The following C16orf96 variants were observed in gnomAD, a reference collection of about 807,000 sequenced individuals.
The protein encoded by C16orf96 is chromosome 16 open reading frame 96.
C16orf96 carries 108 observed loss-of-function variants against 103.6 expected under a neutral mutation model. The ratio of observed to expected loss-of-function variants is 1.04; its 90% CI spans 0.89 to 1.22. The LOEUF (loss-of-function observed/expected upper bound fraction) is 1.22, where lower values mean the gene tolerates loss of function less well. C16orf96 is among the 50% of genes most tolerant of loss of function. C16orf96 has a pLI of 0.00. For synonymous variants in C16orf96, 566 were observed against 593.5 expected (o/e 0.95, Z 0.67); for missense variants, 1,586 against 1,464.2 (o/e 1.08, Z -1.36).
intron 1 of C16orf96, chr16:4,562,890 C>G: frequency 4.3e-6 from 6 of 1,406,218 alleles, no homozygotes; most frequent in South Asian, 1.2e-5. Context: ...TAAAGAAATA[C>G]CTTTTCTTCC....
intron 2 of C16orf96, among the ~76,000 whole-genome samples, chr16:4,574,298 C>A (rs191605081): frequency 3.3e-5 from 5 of 152,312 alleles, no homozygotes; most frequent in East Asian, 3.9e-4. Flanking sequence ...TCTCAGCTCA[C>A]TGCAACCTCT....
At chr16:4,596,234 C>G (rs556953001) in intron 14 of C16orf96, among the ~76,000 whole-genome samples, 1 of 152,244 alleles carries the variant, frequency 6.6e-6, no homozygotes, top group African/African-American at 2.4e-5. Context: ...CGCCTGTAAT[C>G]CCAGCACTTT....
Position 4,599,341 on chromosome 16 carries a change from C to G in C16orf96, c.3185C>G (p.Ala1062Gly). Residue 1062 changes from alanine to glycine, a missense_variant, in exon 15 of 16, where the codon GCC (alanine) becomes GGC (glycine). By Grantham distance (60) the Ala-to-Gly change is moderately conservative (BLOSUM62 0). Coordinates refer to ENST00000444310, the MANE Select transcript of C16orf96 (RefSeq NM_001145011.2). ...QSLYDRVHSS[A>G]LFGAICPPLC... ...CTGTATGACCGTGTGCACTCCAGTG[C>G]CCTATTTGGCGCCATCTGCCCCCGT... The G allele has an allele frequency of 1.3e-6, 2 of 1,551,662 alleles. No individual in the cohort carries two copies. The highest frequency in any genetic ancestry group is 2.4e-5 in the South Asian group (2 of 84,066).
intron 14 of C16orf96, 136 bp from the exon 15 acceptor site, chr16:4,599,148 C>A: frequency 1.4e-6 from 1 of 692,018 alleles, no homozygotes; most frequent in Non-Finnish European, 2.5e-6. Flanking sequence ...ATTGATTATC[C>A]CATAAAGGAA....
chr16:4,555,945 C>A (rs1297482996), upstream of C16orf96, among the ~76,000 whole-genome samples: 1 of 152,188 alleles, frequency 6.6e-6, no homozygotes, highest in Non-Finnish European at 1.5e-5. Flanking sequence ...GCAGTCCTCC[C>A]GCCTTTGCCT....
At chr16:4,577,699 T>C (rs971728983) in intron 5 of C16orf96, among the ~76,000 whole-genome samples, 2 of 152,032 alleles carry the variant, frequency 1.3e-5, no homozygotes, top group Non-Finnish European at 2.9e-5. Flanking sequence ...CTCACGCCTG[T>C]AATCCCAGTC....
chr16:4,554,920 C>A (rs184496195), upstream of C16orf96, among the ~76,000 whole-genome samples: 255 of 152,028 alleles, frequency 1.7e-3, 1 homozygote, highest in Admixed American at 2.8e-3. Flanking sequence ...TGAGCCACCG[C>A]GCCCAGCCGA....
At chr16:4,599,544 G>A (rs113506623) in intron 15 of C16orf96, among the ~76,000 whole-genome samples, 180 bp downstream of exon 15, 8 of 152,148 alleles carry the variant, frequency 5.3e-5, no homozygotes, top group Admixed American at 1.3e-4. Context: ...TGCCATCCCC[G>A]GTGCCCAGGC....
intron 1 of C16orf96, chr16:4,562,750 A>G (rs531210390): frequency 2.1e-5 from 15 of 731,628 alleles, no homozygotes; most frequent in Admixed American, 1.5e-4. Context: ...ACAAAAGCCA[A>G]TGTAAAAAGA....
the C16orf96 span, among the ~76,000 whole-genome samples, chr16:4,550,188 G>A: frequency 4.6e-5 from 7 of 151,494 alleles, no homozygotes; most frequent in African/African-American, 1.7e-4. Flanking sequence ...GGGCTCAAGC[G>A]ATTCTCCTGC....
chr16:4,558,362 TCCCAA>T (rs2059290084), intron 1 of C16orf96, among the ~76,000 whole-genome samples: 1 of 152,072 alleles, frequency 6.6e-6, no homozygotes, highest in Non-Finnish European at 1.5e-5. Context: ...ACACCTATAA[TCCCAA>T]CACTGGGAGG....
intron 1 of C16orf96, among the ~76,000 whole-genome samples, chr16:4,559,061 G>C (rs1162766977): frequency 2.6e-5 from 4 of 152,006 alleles, no homozygotes; most frequent in Non-Finnish European, 5.9e-5. Flanking sequence ...CTTCAGCCTG[G>C]GTGACGGAGA....
chr16:4,600,497 C>CT lies in C16orf96; in HGVS notation c.*180_*181insT, dbSNP rs1897262107. 2 of 484,752 alleles carry CT rather than the reference C, an allele frequency of 4.1e-6. No homozygotes were observed. The highest frequency in any genetic ancestry group is 7.5e-6 in the Non-Finnish European group (2 of 267,962). 30.0% of individuals were successfully genotyped at this position (484,752 alleles called of 1,614,324 possible). ...GAGGCTGAGGCTCATGCGCCCCCCC[C>CT]CATCCCTACCAAGTCCCCTCCACGT... On this transcript the variant is annotated 3_prime_UTR_variant, in exon 16 of 16. Coordinates refer to ENST00000444310, the MANE Select transcript of C16orf96 (RefSeq NM_001145011.2).
intron 7 of C16orf96, among the ~76,000 whole-genome samples, chr16:4,582,872 G>A (rs75342896): frequency 0.028 from 4,245 of 152,230 alleles, 218 homozygotes; most frequent in African/African-American, 0.098. Context: ...GCCCTGCCAC[G>A]TGTGCCAAAA....
chr16:4,588,189 C>T lies in C16orf96; in HGVS notation c.2450C>T (p.Ala817Val). Reference sequence around the variant, plus strand: ...TAGAAAGCTGACAGGAGTGCCCTGGCAGGCAAGGCAAGCCGCGTTGACCTG... The same window carrying T: ...TAGAAAGCTGACAGGAGTGCCCTGGTAGGCAAGGCAAGCCGCGTTGACCTG... ...LREKADRSALAGKASRVDLET... is the reference protein window; with the variant it reads ...LREKADRSALVGKASRVDLET... The change falls in exon 9 of 16, where the codon GCA (alanine) becomes GTA (valine). Residue 817 changes from alanine (A) to valine (V), a missense_variant. By Grantham distance (64) the Ala-to-Val change is moderately conservative. Transcript: ENST00000444310. 6.4e-7 allele frequency: 1 copy of T among 1,551,392 alleles called. No homozygotes were observed. Among genetic ancestry groups the T allele is most frequent in the Non-Finnish European group, 8.7e-7 (1 of 1,146,876 alleles).
rs771691344 is a variant in C16orf96, at chr16:4,558,913, CAAAAAAA to C, written c.420+2020_420+2026del. On this transcript the variant is annotated intron_variant, in intron 1 of 15. Transcript: ENST00000444310. ...CTGGTGACAGAGCGAGACTCTGTCT[CAAAAAAA>C]AAAAAAAAAAAAAAATTAGCCAGGT... Among the ~76,000 whole-genome samples, 4 of 51,386 alleles carry C rather than the reference CAAAAAAA, an allele frequency of 7.8e-5. No homozygotes were observed. The South Asian group carries it at 2.9e-3, about 37-fold the overall frequency. The allele number at this position is 51,386 out of a possible 152,430, so 33.7% of individuals were successfully genotyped here.
chr16:4,562,461 C>A (rs200400581), intron 1 of C16orf96, among the ~76,000 whole-genome samples: 170 of 141,928 alleles, frequency 1.2e-3, no homozygotes, highest in Admixed American at 1.2e-3. Context: ...AAGACTGTGT[C>A]AAAAAAAAAA....
At chr16:4,584,351 C>T (rs1393110663) in intron 7 of C16orf96, among the ~76,000 whole-genome samples, 3 of 8,160 alleles carry the variant, frequency 3.7e-4, no homozygotes, top group Non-Finnish European at 7.8e-4. Flanking sequence ...CCATGCCTGG[C>T]TAATTTTTTT....
chr16:4,594,583 A>C, intron 13 of C16orf96, 73 bp downstream of exon 13: 1 of 1,541,202 alleles, frequency 6.5e-7, no homozygotes. Context: ...GGGACCAGGC[A>C]CTGAGCAGTG....
Sources: allele counts gnomAD v4.1 joint callset (sites outside exome capture counted in the v4.1 genomes callset), GRCh38; gene constraint gnomAD v4.1.1; transcripts MANE v1.5; gene names NCBI Gene and HGNC (gene_info 2026-07-23, HGNC 2026-07-21).